NCAM2: variants seen among roughly 807,000 people sequenced by gnomAD.
NCAM2 encodes neural cell adhesion molecule 2, also known as N-CAM-2.
In NCAM2, 30 loss-of-function variants were observed where a neutral mutation model predicts 98.1. The ratio of observed to expected loss-of-function variants is 0.31; its 90% confidence interval spans 0.23 to 0.41. The LOEUF is 0.41. Among genes scored for constraint, NCAM2 ranks in the 10% least tolerant of loss-of-function variants. NCAM2 has a pLI of 1.00. For synonymous variants in NCAM2, 368 were observed against 342.4 expected (o/e 1.07, Z -0.83); for missense variants, 867 against 1,005.8 (o/e 0.86, Z 1.87).
intron 9 of NCAM2, among the ~76,000 whole-genome samples, chr21:21,383,173 A>G (rs1303947537): frequency 6.6e-6 from 1 of 152,110 alleles, no homozygotes; most frequent in African/African-American, 2.4e-5. Flanking sequence ...CTTTAGATAA[A>G]TATGTGGGGA....
intron 1 of NCAM2, among the ~76,000 whole-genome samples, chr21:21,201,251 A>G (rs1334650369): frequency 6.6e-6 from 1 of 152,214 alleles, no homozygotes; most frequent in Non-Finnish European, 1.5e-5. Context: ...AGAGAAGTTT[A>G]TATTTGAGCT....
chr21:21,273,307 AAGAT>A (rs201843020), intron 1 of NCAM2, among the ~76,000 whole-genome samples: 3,571 of 152,290 alleles, frequency 0.023, 59 homozygotes, highest in Admixed American at 0.052. Flanking sequence ...GTAGTACAGG[AAGAT>A]AGATAGAACA....
chr21:21,134,064 CT>C (rs36062789), intron 1 of NCAM2, among the ~76,000 whole-genome samples: 62,323 of 136,940 alleles, frequency 0.46, 15,571 homozygotes, highest in Non-Finnish European at 0.57. Context: ...CACTTCCTCT[CT>C]TTTTTTTTTT....
intron 1 of NCAM2, among the ~76,000 whole-genome samples, chr21:21,271,889 T>A (rs1394337745): frequency 1.3e-5 from 2 of 152,100 alleles, no homozygotes; most frequent in Admixed American, 1.3e-4. Context: ...CACCGGGGCC[T>A]GTCATGGGGT....
chr21:21,176,182 A>C (rs79118600), intron 1 of NCAM2, among the ~76,000 whole-genome samples: 1 of 152,160 alleles, frequency 6.6e-6, no homozygotes. Flanking sequence ...TGGAAGCACT[A>C]GGCTATTTGT....
At chr21:21,227,153 A>G (rs895225627) in intron 1 of NCAM2, among the ~76,000 whole-genome samples, 4 of 151,876 alleles carry the variant, frequency 2.6e-5, no homozygotes, top group Admixed American at 6.6e-5. Context: ...AGTAAGTGCT[A>G]TAGTGAAAAA....
intron 1 of NCAM2, among the ~76,000 whole-genome samples, chr21:21,068,367 C>G (rs62207579): frequency 0.17 from 26,196 of 151,268 alleles, 2,471 homozygotes; most frequent in Non-Finnish European, 0.19. Context: ...CTCCTGACCT[C>G]AGGTGATCCG....
chr21:21,425,040 C>CA (rs1192128472), intron 11 of NCAM2, among the ~76,000 whole-genome samples: 2,988 of 43,676 alleles, frequency 0.068, 283 homozygotes, highest in African/African-American at 0.096. Flanking sequence ...CTTCCTCCTC[C>CA]AAAAAAAAAA....
chr21:21,064,956 G>T (rs368404555), intron 1 of NCAM2, among the ~76,000 whole-genome samples: 1 of 151,998 alleles, frequency 6.6e-6, no homozygotes, highest in Non-Finnish European at 1.5e-5. Flanking sequence ...GAGGCAGGTG[G>T]ATCACCTGAG....
chr21:21,262,658 CAAAAAA>C (rs33912324), intron 1 of NCAM2, among the ~76,000 whole-genome samples: 1,049 of 78,972 alleles, frequency 0.013, 19 homozygotes, highest in African/African-American at 0.051. Context: ...AACAATCAGT[CAAAAAA>C]AAAAAAAAAA....
At position 21,144,178 on chromosome 21, in the gene NCAM2, T is replaced by C. The variant is rs527534881; in HGVS notation, c.56-136400T>C. Among the ~76,000 whole-genome samples, 392 of 151,960 alleles carry C rather than the reference T, an allele frequency of 2.6e-3. 3 individuals are homozygous for C. The highest frequency in any genetic ancestry group is 8.9e-3 in the African/African-American group (370 of 41,444). On this transcript the variant is annotated intron_variant, in intron 1 of 17. Coordinates refer to ENST00000400546, the MANE Select transcript of NCAM2 (RefSeq NM_004540.5). ...TCCTGGCTAACATGGTGAAACCCCATCTCCACTAAAAATATAAAAAATTAG... is the reference window on the plus strand; with the variant it reads ...TCCTGGCTAACATGGTGAAACCCCACCTCCACTAAAAATATAAAAAATTAG...
At chr21:21,500,645 C>T (rs778170252) in intron 15 of NCAM2, among the ~76,000 whole-genome samples, 1 of 151,898 alleles carries the variant, frequency 6.6e-6, no homozygotes, top group Non-Finnish European at 1.5e-5. Context: ...TCTTACCACC[C>T]ACAAATATAT....
At chr21:21,345,758 G>A (rs2075170421) in intron 8 of NCAM2, among the ~76,000 whole-genome samples, 1 of 152,004 alleles carries the variant, frequency 6.6e-6, no homozygotes, top group Non-Finnish European at 1.5e-5. Context: ...TCTAACCGCA[G>A]GAAAGTTATA....
intron 1 of NCAM2, among the ~76,000 whole-genome samples, chr21:21,008,116 C>T (rs771664377): frequency 6.6e-5 from 10 of 152,090 alleles, no homozygotes; most frequent in Non-Finnish European, 1.5e-4. Context: ...TTAATATATA[C>T]AGTGAGGTAT....
At chr21:21,143,925 C>A (rs1383717424) in intron 1 of NCAM2, among the ~76,000 whole-genome samples, 1 of 151,262 alleles carries the variant, frequency 6.6e-6, no homozygotes, top group Non-Finnish European at 1.5e-5. Context: ...TGCTGTCAAT[C>A]CTGAAATTAG....
intron 1 of NCAM2, among the ~76,000 whole-genome samples, chr21:21,124,803 A>C (rs2066752588): frequency 6.6e-6 from 1 of 152,150 alleles, no homozygotes. Flanking sequence ...TTCTCTTATG[A>C]AGAGTCTCAA....
chr21:21,514,907 T>C (rs1197404770), intron 16 of NCAM2, among the ~76,000 whole-genome samples: 1 of 152,196 alleles, frequency 6.6e-6, no homozygotes, highest in African/African-American at 2.4e-5. Flanking sequence ...ATCTTTGCCA[T>C]GGTTGTTTTC....
At chr21:21,219,586 A>G (rs2070052573) in intron 1 of NCAM2, among the ~76,000 whole-genome samples, 1 of 152,246 alleles carries the variant, frequency 6.6e-6, no homozygotes, top group Non-Finnish European at 1.5e-5. Flanking sequence ...ATAAACGCAT[A>G]GCACATACTT....
intron 12 of NCAM2, among the ~76,000 whole-genome samples, chr21:21,453,069 A>C (rs233791): frequency 0.035 from 4,440 of 127,086 alleles, 265 homozygotes; most frequent in African/African-American, 0.13. Context: ...AAATATATTT[A>C]TAAATTATTA....
Sources: gnomAD v4.1 joint callset for allele counts (sites outside exome capture counted in the v4.1 genomes callset) on GRCh38, gnomAD v4.1.1 for gene constraint, MANE v1.5 for transcripts, NCBI Gene and HGNC (gene_info 2026-07-23, HGNC 2026-07-21) for gene names.